The following GNG7 variants were observed in gnomAD, a reference collection of about 807,000 sequenced individuals.
The protein encoded by GNG7 is G protein subunit gamma 7, also known as guanine nucleotide-binding protein G(I)/G(S)/G(O) subunit gamma-7.
Under a neutral mutation model 4.0 loss-of-function variants are expected in GNG7, and 1 was observed. That is an observed-to-expected ratio of 0.25 (90% CI 0.09 to 1.18). The LOEUF (loss-of-function observed/expected upper bound fraction) is 1.18, where lower values mean the gene tolerates loss of function less well. Among genes scored for constraint, GNG7 ranks in the 50% most tolerant of loss-of-function variants. The pLI is 0.50. For missense variants in GNG7, 86 were observed against 91.9 expected (o/e 0.94, Z 0.26); for synonymous variants, 34 against 36.9 (o/e 0.92, Z 0.29).
chr19:2,526,394 C>T (rs984770931), intron 3 of GNG7, among the ~76,000 whole-genome samples: 5 of 150,360 alleles, frequency 3.3e-5, no homozygotes, highest in South Asian at 2.1e-4. Flanking sequence ...CGTGAGCCAC[C>T]GCGCCTGGTC....
intron 1 of GNG7, among the ~76,000 whole-genome samples, chr19:2,667,180 C>T (rs1340697778): frequency 1.3e-5 from 2 of 152,036 alleles, no homozygotes; most frequent in African/African-American, 2.4e-5. Flanking sequence ...AAAAATCAGC[C>T]GGGCAAGGTG....
At chr19:2,613,672 G>A (rs926383596) in intron 2 of GNG7, among the ~76,000 whole-genome samples, 2 of 152,150 alleles carry the variant, frequency 1.3e-5, no homozygotes. Flanking sequence ...TGCCCCCAGG[G>A]GACACTGGGC....
At chr19:2,639,212 C>T (rs1264864698) in intron 2 of GNG7, among the ~76,000 whole-genome samples, 1 of 148,008 alleles carries the variant, frequency 6.8e-6, no homozygotes, top group Non-Finnish European at 1.5e-5. Context: ...CCAGCCTGGA[C>T]AACAGAGTGA....
rs528953584 is a variant in GNG7, at chr19:2,512,243, T to C, written c.*2779A>G. 62 of 985,858 alleles carry C rather than the reference T, an allele frequency of 6.3e-5. 2 individuals carry two copies. In the South Asian group the frequency reaches 2.3e-3, roughly 36 times the overall value. The allele number at this position is 985,858 out of a possible 1,614,324, so 61.1% of individuals were successfully genotyped here. On this transcript the variant is annotated 3_prime_UTR_variant, in exon 5 of 5. Transcript: ENST00000382159. The surrounding 1 kb of genome is among the most constrained non-coding windows in gnomAD (Gnocchi z 4.7). ...CCTGGAAACGCCCATAAAACATGCGTTCACCCCAGGGATTCCCGGCAGAAA... is the reference window on the plus strand; with the variant it reads ...CCTGGAAACGCCCATAAAACATGCGCTCACCCCAGGGATTCCCGGCAGAAA...
chr19:2,516,887 C>A (rs555975100), intron 4 of GNG7: 2 of 152,622 alleles, frequency 1.3e-5, no homozygotes, highest in African/African-American at 4.8e-5. Context: ...GCTACACGCC[C>A]GTCTCTCCTG....
At chr19:2,696,340 AAG>A (rs1491392626) in intron 1 of GNG7, among the ~76,000 whole-genome samples, 150 of 147,310 alleles carry the variant, frequency 1.0e-3, no homozygotes, top group African/African-American at 3.8e-3. Context: ...GAAAGAAAGA[AAG>A]AAAGAAAAGA....
chr19:2,693,263 A>T lies in GNG7; in HGVS notation c.-135+9383T>A, dbSNP rs1913173956. 1.3e-5 allele frequency among the ~76,000 whole-genome samples: 2 copies of T among 151,786 alleles called. 1 individual carries two copies. Among genetic ancestry groups the T allele is most frequent in the South Asian group, 4.1e-4 (2 of 4,822 alleles). On this transcript the variant is annotated intron_variant, in intron 1 of 4. Coordinates refer to ENST00000382159, the MANE Select transcript of GNG7 (RefSeq NM_052847.3). ...CAATATCCTATCTTTACAAAAAAAA[A>T]AAATTAGCTGGGCATAGTGATCTCT... is the stretch of plus-strand genomic sequence containing the variant.
intron 1 of GNG7, among the ~76,000 whole-genome samples, chr19:2,678,352 T>G (rs924734150): frequency 6.6e-6 from 1 of 152,196 alleles, no homozygotes; most frequent in African/African-American, 2.4e-5. Flanking sequence ...CTTCCAGAAT[T>G]TTCTGAAATA....
chr19:2,681,602 C>T (rs1055938850), intron 1 of GNG7, among the ~76,000 whole-genome samples: 6 of 152,240 alleles, frequency 3.9e-5, no homozygotes, highest in African/African-American at 1.2e-4. Flanking sequence ...TGTGGACATA[C>T]GCTTTCACTT....
intron 1 of GNG7, among the ~76,000 whole-genome samples, chr19:2,661,332 G>GA (rs1568277865): frequency 7.0e-6 from 1 of 143,430 alleles, no homozygotes; most frequent in Non-Finnish European, 1.5e-5. Flanking sequence ...AAGAAAGAAA[G>GA]AAAGAAAGAA....
chr19:2,616,132 G>A (rs1981717648), intron 2 of GNG7, among the ~76,000 whole-genome samples: 1 of 152,224 alleles, frequency 6.6e-6, no homozygotes, highest in Non-Finnish European at 1.5e-5. Flanking sequence ...GTGTGGGCCA[G>A]GCATGGCACC....
At position 2,511,696 on chromosome 19, in the gene GNG7, T is replaced by C. The variant is rs1245654807; in HGVS notation, c.*3326A>G. The stretch of plus-strand genomic sequence containing the variant: ...GATGCGTGGCCTGGAGGCCTAGCGT[T>C]GCGCCTCGGACACGGTGGCCGGCCC... On this transcript the variant is annotated 3_prime_UTR_variant, in exon 5 of 5. Transcript: ENST00000382159. This position sits in a 1 kb window ranked among gnomAD's most constrained non-coding sequence, Gnocchi z 6.3. 29 of 623,850 alleles carry C rather than the reference T, an allele frequency of 4.6e-5. No individual in the cohort carries two copies. Among genetic ancestry groups the C allele is most frequent in the Non-Finnish European group, 3.4e-5 (17 of 499,514 alleles). The allele number at this position is 623,850 out of a possible 1,614,324, so 38.6% of individuals were successfully genotyped here. A position where few individuals can be genotyped will look rare whatever the true frequency, so the allele number is the denominator to read the frequency against.
intron 1 of GNG7, among the ~76,000 whole-genome samples, chr19:2,674,484 G>A (rs1983544613): frequency 6.6e-6 from 1 of 152,000 alleles, no homozygotes; most frequent in Admixed American, 6.6e-5. Context: ...TGCCTAGGCT[G>A]GAGTGCAGTG....
intron 3 of GNG7, among the ~76,000 whole-genome samples, chr19:2,521,612 G>T (rs866881685): frequency 1.7e-4 from 18 of 104,690 alleles, no homozygotes; most frequent in East Asian, 1.3e-3. Flanking sequence ...CCCCCTCCGT[G>T]TTTTTTTTTT....
At chr19:2,524,428 TATGTGTGTGCACATGTGC>T (rs1568231227) in intron 3 of GNG7, among the ~76,000 whole-genome samples, 1 of 152,186 alleles carries the variant, frequency 6.6e-6, no homozygotes, top group Admixed American at 6.5e-5. Flanking sequence ...TGCACATGTG[TATGTGTGTGCACATGTGC>T]ATGTATGTGT....
At chr19:2,562,275 TC>T (rs1979765562) in intron 2 of GNG7, among the ~76,000 whole-genome samples, 3 of 79,214 alleles carry the variant, frequency 3.8e-5, no homozygotes, top group Non-Finnish European at 1.1e-4. Context: ...CTTTTTCTTT[TC>T]TTTCTTTTTC....
intron 3 of GNG7, among the ~76,000 whole-genome samples, chr19:2,547,678 C>G (rs563943964): frequency 1.3e-5 from 2 of 152,330 alleles, no homozygotes; most frequent in Admixed American, 1.3e-4. Flanking sequence ...CAGCACATCC[C>G]AGACACTGGG....
chr19:2,579,686 G>A (rs1980446546), intron 2 of GNG7, among the ~76,000 whole-genome samples: 1 of 152,220 alleles, frequency 6.6e-6, no homozygotes, highest in Non-Finnish European at 1.5e-5. Flanking sequence ...GCAGAAATGC[G>A]GGGAGCAGGG....
At position 2,645,601 on chromosome 19, in the gene GNG7, G is replaced by A. The variant is rs912925194; in HGVS notation, c.-78+623C>T. On this transcript the variant is annotated intron_variant, in intron 2 of 4. Coordinates refer to ENST00000382159, the MANE Select transcript of GNG7 (RefSeq NM_052847.3). ...TTTTTAAGTAAGTTCACCAGGTTGC[G>A]GTCACCCCGACCCGACCATCGGGTC... Among the ~76,000 whole-genome samples the A allele has an allele frequency of 2.6e-5, 4 of 151,996 alleles. No homozygotes were observed. In the East Asian group the frequency reaches 5.8e-4, roughly 22 times the overall value.
Sources: gnomAD v4.1 joint callset for allele counts (sites outside exome capture counted in the v4.1 genomes callset) on GRCh38, gnomAD v4.1.1 for gene constraint, Gnocchi (gnomAD v3.1) non-coding constraint, MANE v1.5 for transcripts, NCBI Gene and HGNC (gene_info 2026-07-23, HGNC 2026-07-21) for gene names.